Variants in PLXND1 observed in about 807,000 individuals in gnomAD.
The protein encoded by PLXND1 is plexin-D1.
In PLXND1, 54 loss-of-function variants were observed where a neutral mutation model predicts 197.7. That is an observed-to-expected ratio of 0.27 (90% CI 0.22 to 0.34). The LOEUF (loss-of-function observed/expected upper bound fraction) is 0.34. Among genes scored for constraint, PLXND1 ranks in the 10% least tolerant of loss-of-function variants. PLXND1 has a pLI of 1.00. For synonymous variants in PLXND1, 1,180 were observed against 1,161.2 expected (o/e 1.02, Z -0.33); for missense variants, 2,127 against 2,699.2 (o/e 0.79, Z 4.70).
Position 129,567,478 on chromosome 3 carries a change from AGGCTCG to A in PLXND1, c.4086+8_4086+13del, listed in dbSNP as rs772587694. 4 of 1,494,428 alleles carry A rather than the reference AGGCTCG, an allele frequency of 2.7e-6. No homozygotes were observed. The East Asian group carries it at 7.0e-5, about 26-fold the overall frequency. 92.6% of individuals were successfully genotyped at this position (1,494,428 alleles called of 1,614,324 possible). A position where few individuals can be genotyped will look rare whatever the true frequency, so the allele number is the denominator to read the frequency against. On this transcript the variant is annotated splice_region_variant and intron_variant, in intron 22 of 35. Transcript: ENST00000324093. ...GCTGGCACAGGTTCAGGGCAGGCTC[AGGCTCG>A]GGCTGACCTTGGGGAAGAAGGTGCG...
intron 8 of PLXND1, among the ~76,000 whole-genome samples, chr3:129,581,983 C>G (rs927226201): frequency 1.3e-5 from 2 of 152,214 alleles, no homozygotes; most frequent in African/African-American, 4.8e-5. Flanking sequence ...GATGGGGTCC[C>G]CAGACAGGAG....
rs755762007 is a variant in PLXND1, at chr3:129,563,115, C to G, written c.4647G>C (p.Glu1549Asp). 1 of 1,613,624 alleles carries G rather than the reference C, an allele frequency of 6.2e-7. No homozygotes were observed. Among genetic ancestry groups the G allele is most frequent in the Non-Finnish European group, 8.5e-7 (1 of 1,179,776 alleles). Reference protein sequence around the residue: ...YTLSEEWLLRENIEAKPRNLN... With the variant: ...YTLSEEWLLRDNIEAKPRNLN... ...TTACCCGGGGCTTGGCCTCGATGTTCTCCCGCAGCAGCCACTCCTCACTGA... is the reference window on the plus strand; with the variant it reads ...TTACCCGGGGCTTGGCCTCGATGTTGTCCCGCAGCAGCCACTCCTCACTGA... Residue 1549 changes from glutamate (E) to aspartate (D), a missense_variant, in exon 26 of 36, where the codon GAG becomes GAC. Glu to Asp is a conservative substitution (Grantham distance 45, BLOSUM62 2). This residue lies in a region of PLXND1 where 532 missense variants were observed against 811.0 expected (regional missense o/e 0.66). Coordinates refer to ENST00000324093, the MANE Select transcript of PLXND1 (RefSeq NM_015103.3).
rs939856482 is a variant in PLXND1 at position 129,589,245 on chromosome 3, G to C, written c.1488+106C>G. 1.9e-5 allele frequency: 17 copies of C among 875,320 alleles called. No individual in the cohort carries two copies. In the East Asian group the frequency reaches 4.4e-4, roughly 23 times the overall value. 54.2% of individuals were successfully genotyped at this position (875,320 alleles called of 1,614,324 possible). Reference sequence around the variant, plus strand: ...CTAGGCGAATGGGAGAAAACAAAGGGTCAGGCTGGACCTGTAGCAGCCCTG... The same window carrying C: ...CTAGGCGAATGGGAGAAAACAAAGGCTCAGGCTGGACCTGTAGCAGCCCTG... On this transcript the variant is annotated intron_variant, in intron 2 of 35. Coordinates refer to ENST00000324093, the MANE Select transcript of PLXND1 (RefSeq NM_015103.3).
intron 13 of PLXND1, among the ~76,000 whole-genome samples, chr3:129,573,333 G>C (rs921487012): frequency 6.6e-6 from 1 of 151,896 alleles, no homozygotes; most frequent in African/African-American, 2.4e-5. Flanking sequence ...GGTGGAAGAA[G>C]GGCTGTGCTA....
intron 1 of PLXND1, among the ~76,000 whole-genome samples, chr3:129,596,149 G>C (rs1341990463): frequency 1.3e-5 from 2 of 152,128 alleles, no homozygotes; most frequent in East Asian, 3.9e-4. Flanking sequence ...AAGCACTGTA[G>C]GTGCTCAATA....
chr3:129,606,476 G>A lies in PLXND1; in HGVS notation c.164C>T (p.Ser55Leu). The change falls in exon 1 of 36, where the codon TCG becomes TTG. Residue 55 changes from serine to leucine, a missense_variant. Around this residue, in one of 6 missense-constraint regions of PLXND1, gnomAD observed 245 missense variants for 267.1 expected, o/e 0.92. Transcript: ENST00000324093. ...GALEIQRRFP[S>L]PTPTNNFALD... ...GGCGAAGTTGTTGGTGGGCGTGGGC[G>A]AGGGGAACCGACGCTGGATCTCCAG... 1 of 1,433,968 alleles carries A rather than the reference G, an allele frequency of 7.0e-7. No individual in the cohort carries two copies. The highest frequency in any genetic ancestry group is 1.5e-5 in the South Asian group (1 of 64,870). The allele number at this position is 1,433,968 out of a possible 1,614,324, so 88.8% of individuals were successfully genotyped here.
Position 129,559,779 on chromosome 3 carries a change from G to T in PLXND1, c.5138C>A (p.Thr1713Lys). Reference sequence around the variant, plus strand: ...CAGGTCATCCAGAAACTTCTGCAACGTGCCCTGCGGGGGAGTGGGGTGGCC... The same window carrying T: ...CAGGTCATCCAGAAACTTCTGCAACTTGCCCTGCGGGGGAGTGGGGTGGCC... Reference protein sequence around the residue: ...YLTRLLSTKGTLQKFLDDLFK... With the variant: ...YLTRLLSTKGKLQKFLDDLFK... Residue 1713 changes from threonine (T) to lysine (K), a missense_variant, in exon 32 of 36, where the codon ACG (threonine) becomes AAG (lysine). Physicochemically the swap from Thr to Lys is moderately conservative, Grantham distance 78. This residue lies in a region of PLXND1 where 200 missense variants were observed against 303.3 expected (regional missense o/e 0.66). Transcript: ENST00000324093. 6.3e-7 allele frequency: 1 copy of T among 1,599,486 alleles called. No individual in the cohort carries two copies.
rs1477242549 is a variant in PLXND1, at chr3:129,557,648, GA to G, written c.5446-426del. On this transcript the variant is annotated intron_variant, in intron 33 of 35. Coordinates refer to ENST00000324093, the MANE Select transcript of PLXND1 (RefSeq NM_015103.3). This position sits in a 1 kb window ranked among gnomAD's most constrained non-coding sequence, Gnocchi z 4.8. ...TTCCCACCACATGCTCCTAACGCCT[GA>G]AAGAAGTGCCAAGAACACTCCCAGT... 6.6e-6 allele frequency among the ~76,000 whole-genome samples: 1 copy of G among 152,228 alleles called. No individual in the cohort carries two copies. The highest frequency in any genetic ancestry group is 1.5e-5 in the Non-Finnish European group (1 of 68,042).
intron 13 of PLXND1, among the ~76,000 whole-genome samples, chr3:129,573,169 C>T (rs1380216809): frequency 6.6e-6 from 1 of 152,176 alleles, no homozygotes; most frequent in Non-Finnish European, 1.5e-5. Flanking sequence ...GGCTCTTCCA[C>T]ACGCCTGATG....
chr3:129,577,960 G>A lies in PLXND1; in HGVS notation c.2346+369C>T, dbSNP rs2085336911. On this transcript the variant is annotated intron_variant, in intron 9 of 35. Transcript: ENST00000324093. This position sits in a 1 kb window ranked among gnomAD's most constrained non-coding sequence, Gnocchi z 5.0. ...CCACGGGGCAGTGGGCTCGGCGGTG[G>A]GTGGGTGTGTCCAGGGTCACAGCTC... 6.6e-6 allele frequency among the ~76,000 whole-genome samples: 1 copy of A among 152,194 alleles called. No individual in the cohort carries two copies. Among genetic ancestry groups the A allele is most frequent in the African/African-American group, 2.4e-5 (1 of 41,442 alleles).
chr3:129,601,848 C>A (rs955382769), intron 1 of PLXND1, among the ~76,000 whole-genome samples: 4 of 152,210 alleles, frequency 2.6e-5, no homozygotes, highest in Non-Finnish European at 5.9e-5. Context: ...AGCACTGCTG[C>A]AGACCAGGCC....
chr3:129,583,215 C>T (rs760978499), intron 8 of PLXND1, among the ~76,000 whole-genome samples: 4 of 152,190 alleles, frequency 2.6e-5, no homozygotes, highest in Non-Finnish European at 5.9e-5. Context: ...CTTCCTACTG[C>T]AGTGGGGGTA....
In PLXND1 at chr3:129,571,287, T is replaced by G. The variant is rs1485630702; in HGVS notation, c.3353A>C (p.Asn1118Thr). ...GGACGGGCAGGTGATGAGGGTGGAG[T>G]TGAGAACCTTGCAGAGCTGGTGCAG... ...GREPTLCKVL[N>T]STLITCPSPG... Residue 1118 changes from asparagine to threonine, a missense_variant, in exon 18 of 36, where the codon AAC becomes ACC. Physicochemically the swap from Asn to Thr is moderately conservative, Grantham distance 65. Transcript: ENST00000324093. 1.9e-6 allele frequency: 3 copies of G among 1,612,648 alleles called. No homozygotes were observed. In the Admixed American group the frequency reaches 5.0e-5, roughly 27 times the overall value.
chr3:129,560,498 C>A, intron 30 of PLXND1, 64 bp from the exon 31 acceptor site: 1 of 1,182,442 alleles, frequency 8.5e-7, no homozygotes, highest in South Asian at 1.3e-5. Flanking sequence ...TGTGGGAGGT[C>A]TGGCTCTGCC....
intron 25 of PLXND1, among the ~76,000 whole-genome samples, chr3:129,564,783 C>T (rs79729718): frequency 0.032 from 4,837 of 152,344 alleles, 374 homozygotes; most frequent in East Asian, 0.25. Context: ...CCCCTCCTCC[C>T]GGCCTCTGCC....
chr3:129,606,073 C>A lies in PLXND1; in HGVS notation c.567G>T (p.Ala189=). The A allele has an allele frequency of 6.4e-7, 1 of 1,567,088 alleles. No individual in the cohort carries two copies. The highest frequency in any genetic ancestry group is 8.6e-7 in the Non-Finnish European group (1 of 1,162,030). Residue 189 remains alanine (A), a synonymous_variant, in exon 1 of 36, where the codon GCG becomes GCT. Transcript: ENST00000324093. Reference sequence around the variant, plus strand: ...GAGGCAGAACTAGCCCCACGGTGGACGCGTTCGGGTGGTTGGCCGCCACGT... The same window carrying A: ...GAGGCAGAACTAGCCCCACGGTGGAAGCGTTCGGGTGGTTGGCCGCCACGT... The part of the protein sequence containing the change: ...MLNVAANHPN[A]STVGLVLPPA...
At chr3:129,601,531 C>T (rs185976946) in intron 1 of PLXND1, among the ~76,000 whole-genome samples, 50 of 152,278 alleles carry the variant, frequency 3.3e-4, no homozygotes, top group African/African-American at 1.1e-3. Context: ...GCAGGTCATT[C>T]GGCCCTGGGG....
chr3:129,591,348 C>T (rs62267578), intron 1 of PLXND1: 14,549 of 152,402 alleles, frequency 0.095, 922 homozygotes, highest in East Asian at 0.26. Context: ...TGTTCCCAAA[C>T]GCCGGGCGTG....
intron 9 of PLXND1, 26 bp downstream of exon 9, chr3:129,578,303 C>A: frequency 6.8e-7 from 1 of 1,477,092 alleles, no homozygotes. Context: ...CTGGCCCCAC[C>A]CGGCGCTGGC....
Sources: gnomAD v4.1 joint callset for allele counts (sites outside exome capture counted in the v4.1 genomes callset) on GRCh38, gnomAD v4.1.1 for gene constraint, gnomAD v4.1.1 regional missense constraint, Gnocchi (gnomAD v3.1) non-coding constraint, MANE v1.5 for transcripts, NCBI Gene and HGNC (gene_info 2026-07-23, HGNC 2026-07-21) for gene names.